TMEFF2: variants seen among roughly 807,000 people sequenced by gnomAD.
TMEFF2 encodes transmembrane protein with EGF like and two follistatin like domains 2.
In TMEFF2, 28 loss-of-function variants were observed where a neutral mutation model predicts 53.8. The observed-to-expected ratio is 0.52, with a 90% CI of 0.39 to 0.71. TMEFF2 has a LOEUF of 0.71. Ranked by LOEUF, TMEFF2 falls within the 30% of genes least tolerant of loss-of-function variation. The pLI is 0.00. For missense variants in TMEFF2, 353 were observed against 455.2 expected, an observed-to-expected ratio of 0.78 and a Z score of 2.04; for synonymous variants, 162 against 166.3, an observed-to-expected ratio of 0.97 and a Z score of 0.20.
chr2:192,187,789 C>T (rs1331140261), intron 2 of TMEFF2, among the ~76,000 whole-genome samples: 4 of 152,194 alleles, frequency 2.6e-5, no homozygotes, highest in Non-Finnish European at 4.4e-5. Context: ...ACCCACCACA[C>T]TAGTGGATTC....
At chr2:192,176,541 T>C (rs1691049601) in intron 4 of TMEFF2, among the ~76,000 whole-genome samples, 1 of 151,312 alleles carries the variant, frequency 6.6e-6, no homozygotes, top group South Asian at 2.1e-4. Flanking sequence ...GTGGGTCATG[T>C]TGGAAGCACA....
chr2:192,008,877 A>C (rs1686563335), intron 5 of TMEFF2, among the ~76,000 whole-genome samples: 1 of 152,194 alleles, frequency 6.6e-6, no homozygotes, highest in African/African-American at 2.4e-5. Context: ...GGCTTTTAGG[A>C]GTAAATGTGT....
At chr2:192,103,824 G>T (rs1689088075) in intron 4 of TMEFF2, among the ~76,000 whole-genome samples, 2 of 151,652 alleles carry the variant, frequency 1.3e-5, no homozygotes, top group Admixed American at 1.3e-4. Flanking sequence ...TTGAGGTGAG[G>T]GCATGCTTGG....
intron 5 of TMEFF2, among the ~76,000 whole-genome samples, chr2:192,033,654 T>C (rs1439827142): frequency 6.6e-6 from 1 of 151,922 alleles, no homozygotes; most frequent in Non-Finnish European, 1.5e-5. Flanking sequence ...TTTTTCCCTA[T>C]TAAATATGAC....
At chr2:192,111,823 A>C (rs1689284338) in intron 4 of TMEFF2, among the ~76,000 whole-genome samples, 1 of 152,192 alleles carries the variant, frequency 6.6e-6, no homozygotes, top group African/African-American at 2.4e-5. Flanking sequence ...TCTGTGTCCC[A>C]GCAACTCTAG....
intron 5 of TMEFF2, among the ~76,000 whole-genome samples, chr2:192,029,599 C>A (rs1018165377): frequency 2.3e-4 from 35 of 152,104 alleles, no homozygotes; most frequent in Non-Finnish European, 2.9e-5. Flanking sequence ...GTAATCTAGG[C>A]CAGGACAACA....
intron 5 of TMEFF2, among the ~76,000 whole-genome samples, chr2:192,056,282 T>C (rs192225660): frequency 8.1e-5 from 12 of 147,506 alleles, no homozygotes; most frequent in African/African-American, 2.8e-4. Context: ...AAGAGAGAAA[T>C]AATAGCAATA....
At chr2:191,955,466 A>C (rs953816316) in intron 8 of TMEFF2, among the ~76,000 whole-genome samples, 2 of 146,326 alleles carry the variant, frequency 1.4e-5, no homozygotes, top group African/African-American at 5.1e-5. Context: ...ATCCCATCTC[A>C]GCTCTCAAGT....
At chr2:192,013,179 G>C (rs1686670418) in intron 5 of TMEFF2, among the ~76,000 whole-genome samples, 2 of 152,142 alleles carry the variant, frequency 1.3e-5, no homozygotes, top group Non-Finnish European at 1.5e-5. Flanking sequence ...TGGTTCATGA[G>C]GCCCTGTGTG....
At chr2:192,155,082 A>T (rs1328943572) in intron 4 of TMEFF2, among the ~76,000 whole-genome samples, 1 of 152,014 alleles carries the variant, frequency 6.6e-6, no homozygotes, top group Non-Finnish European at 1.5e-5. Context: ...CCCTGTGGTG[A>T]CAATTATTAG....
At chr2:192,180,028 T>G (rs1442898539) in intron 3 of TMEFF2, among the ~76,000 whole-genome samples, 1 of 151,560 alleles carries the variant, frequency 6.6e-6, no homozygotes, top group Non-Finnish European at 1.5e-5. Context: ...AATGAGATGC[T>G]TGTAACAATC....
Position 191,953,798 on chromosome 2 carries a change from C to A in TMEFF2, c.909G>T (p.Lys303Asn), listed in dbSNP as rs765943296. 1 of 1,612,162 alleles carries A rather than the reference C, an allele frequency of 6.2e-7. No homozygotes were observed. The highest frequency in any genetic ancestry group is 8.5e-7 in the Non-Finnish European group (1 of 1,179,052). The change falls in exon 9 of 10, where the codon AAG becomes AAT. Residue 303 changes from lysine (K) to asparagine (N), a missense_variant. Physicochemically the swap from Lys to Asn is moderately conservative, Grantham distance 94. Coordinates refer to ENST00000272771, the MANE Select transcript of TMEFF2 (RefSeq NM_016192.4). Reference sequence around the variant, plus strand: ...GAACAACGTATAGAACACTGTAGTCCTTTTTTTCACAGTGTTGTCCAGTAT... The same window carrying A: ...GAACAACGTATAGAACACTGTAGTCATTTTTTTCACAGTGTTGTCCAGTAT... The part of the protein sequence containing the change: ...AGYTGQHCEK[K>N]DYSVLYVVPG...
intron 4 of TMEFF2, among the ~76,000 whole-genome samples, chr2:192,133,102 C>A (rs1689898023): frequency 6.6e-6 from 1 of 152,030 alleles, no homozygotes; most frequent in African/African-American, 2.4e-5. Context: ...CTCCCCAACT[C>A]TGGTACCAAC....
intron 4 of TMEFF2, among the ~76,000 whole-genome samples, chr2:192,088,376 T>C (rs1218189920): frequency 6.6e-6 from 1 of 152,044 alleles, no homozygotes; most frequent in Non-Finnish European, 1.5e-5. Flanking sequence ...TGGGGAAATA[T>C]GCGGTCGATG....
At chr2:192,006,020 GCTAATAAGT>G (rs1686491625) in intron 5 of TMEFF2, among the ~76,000 whole-genome samples, 1 of 150,352 alleles carries the variant, frequency 6.7e-6, no homozygotes, top group Non-Finnish European at 1.5e-5. Context: ...GACTGGTAAG[GCTAATAAGT>G]CTCCCATGTC....
intron 7 of TMEFF2, among the ~76,000 whole-genome samples, chr2:191,964,160 G>C (rs1029707905): frequency 1.5e-4 from 23 of 151,844 alleles, no homozygotes; most frequent in African/African-American, 5.3e-4. Flanking sequence ...ATCCCACCTA[G>C]ATTCTATTGC....
At chr2:191,970,936 TAGCTTA>T (rs1186467405) in intron 7 of TMEFF2, among the ~76,000 whole-genome samples, 5 of 152,236 alleles carry the variant, frequency 3.3e-5, no homozygotes, top group Non-Finnish European at 5.9e-5. Context: ...ATGATCACCT[TAGCTTA>T]AGCTTAAGTT....
chr2:192,042,292 G>A (rs1464239577), intron 5 of TMEFF2, among the ~76,000 whole-genome samples: 2 of 152,164 alleles, frequency 1.3e-5, no homozygotes, highest in Non-Finnish European at 2.9e-5. Context: ...ATGACATAGA[G>A]ACATGAATTG....
At chr2:192,066,417 G>A (rs917480926) in intron 4 of TMEFF2, among the ~76,000 whole-genome samples, 7 of 151,590 alleles carry the variant, frequency 4.6e-5, no homozygotes, top group Non-Finnish European at 7.4e-5. Flanking sequence ...AACGGTTTAC[G>A]GTTCTAAAAT....
Sources: gnomAD v4.1 joint callset for allele counts (sites outside exome capture counted in the v4.1 genomes callset) on GRCh38, gnomAD v4.1.1 for gene constraint, MANE v1.5 for transcripts, NCBI Gene and HGNC (gene_info 2026-07-23, HGNC 2026-07-21) for gene names.